The following HIF3A variants were observed in gnomAD, a reference collection of about 807,000 sequenced individuals.
HIF3A encodes the protein hypoxia-inducible factor 3-alpha.
A neutral mutation model predicts 67.2 loss-of-function variants in HIF3A; 41 were observed. That is an observed-to-expected ratio of 0.61 (90% CI 0.48 to 0.79). The LOEUF (loss-of-function observed/expected upper bound fraction) is 0.79, where lower values mean the gene tolerates loss of function less well. Among genes scored for constraint, HIF3A ranks in the 30% least tolerant of loss-of-function variants. The pLI, the probability that HIF3A is intolerant of heterozygous loss-of-function variation, is 0.00. For synonymous variants in HIF3A, 356 were observed against 374.8 expected (o/e 0.95, Z 0.58); for missense variants, 855 against 898.0 (o/e 0.95, Z 0.61).
chr19:46,308,588 C>G, intron 4 of HIF3A, 75 bp from the exon 5 acceptor site: 1 of 868,122 alleles, frequency 1.2e-6, no homozygotes, highest in South Asian at 1.7e-5. Flanking sequence ...GAGGCCTGAG[C>G]AGCCAGGGTG....
intron 8 of HIF3A, 115 bp downstream of exon 8, chr19:46,312,768 G>A: frequency 6.8e-7 from 1 of 1,464,330 alleles, no homozygotes; most frequent in Non-Finnish European, 9.0e-7. Context: ...TCATGCATAA[G>A]TGTATGTGAG....
rs1969529482 is a variant in HIF3A, at chr19:46,312,494, C to G, written c.878-12C>G. The G allele has an allele frequency of 1.2e-6, 2 of 1,613,644 alleles. No individual in the cohort carries two copies. The highest frequency in any genetic ancestry group is 8.5e-7 in the Non-Finnish European group (1 of 1,179,750). On this transcript the variant is annotated splice_polypyrimidine_tract_variant and intron_variant, in intron 7 of 14. Transcript: ENST00000377670. ...CTTGGTGGCCCTGATCCCTCCCGAT[C>G]CCCCTCCTCAGTGCTGAGCAAGGGC... is the stretch of plus-strand genomic sequence containing the variant.
intron 6 of HIF3A, 87 bp from the exon 7 acceptor site, chr19:46,312,074 C>A: frequency 1.1e-6 from 1 of 942,500 alleles, no homozygotes; most frequent in Non-Finnish European, 1.8e-6. Context: ...GGCTTTGTTC[C>A]TGTGTCCTCT....
At position 46,333,083 on chromosome 19, in the gene HIF3A, T is replaced by C. The variant is rs560604474; in HGVS notation, c.1830+1810T>C. ...ATACATATATAACAGCTTACACTTATTAAGTGCCTACCATGTGCCAGACAC... is the reference window on the plus strand; with the variant it reads ...ATACATATATAACAGCTTACACTTACTAAGTGCCTACCATGTGCCAGACAC... On this transcript the variant is annotated intron_variant, in intron 13 of 14. Coordinates refer to ENST00000377670, the MANE Select transcript of HIF3A (RefSeq NM_152795.4). Among the ~76,000 whole-genome samples the C allele has an allele frequency of 3.3e-5, 5 of 152,182 alleles. No individual in the cohort carries two copies. The South Asian group carries it at 6.2e-4, about 19-fold the overall frequency.
chr19:46,312,614 C>T lies in HIF3A; in HGVS notation c.986C>T (p.Pro329Leu), dbSNP rs541712463. 4.8e-5 allele frequency: 77 copies of T among 1,591,156 alleles called. 1 individual carries two copies. The South Asian group carries it at 7.8e-4, about 16-fold the overall frequency. ...QATVVSGGRGPQSESIVCVHF... is the reference protein window; with the variant it reads ...QATVVSGGRGLQSESIVCVHF... ...ACAGTGGTGTCAGGGGGACGGGGCCCCCAGTCGGAGAGTATCGTCTGTGTC... is the reference window on the plus strand; with the variant it reads ...ACAGTGGTGTCAGGGGGACGGGGCCTCCAGTCGGAGAGTATCGTCTGTGTC... Residue 329 changes from proline (P) to leucine (L), a missense_variant, in exon 8 of 15, where the codon CCC (proline) becomes CTC (leucine). By Grantham distance (98) the Pro-to-Leu change is moderately conservative (BLOSUM62 -3). Transcript: ENST00000377670.
chr19:46,308,125 C>A (rs2147147799), intron 3 of HIF3A, 96 bp from the exon 4 acceptor site: 1 of 829,990 alleles, frequency 1.2e-6, no homozygotes, highest in South Asian at 1.3e-5. Context: ...CTGGTGAAAT[C>A]ATCCAGGCTC....
intron 8 of HIF3A, among the ~76,000 whole-genome samples, chr19:46,316,449 G>T (rs1969922228): frequency 6.6e-6 from 1 of 152,008 alleles, no homozygotes; most frequent in African/African-American, 2.4e-5. Context: ...TGTCATAGAA[G>T]CTTTTCACCA....
rs964337903 is a variant in HIF3A at position 46,297,926 on chromosome 19, C to T, written c.26+824C>T. Among the ~76,000 whole-genome samples, 3 of 152,122 alleles carry T rather than the reference C, an allele frequency of 2.0e-5. No homozygotes were observed. Among genetic ancestry groups the T allele is most frequent in the Non-Finnish European group, 2.9e-5 (2 of 67,980 alleles). ...GTGAGCCTGCAGGCTGTGATGGGAA[C>T]GCCCCCTGCCGCAGTACTCAGATGG... On this transcript the variant is annotated intron_variant, in intron 1 of 14. Coordinates refer to ENST00000377670, the MANE Select transcript of HIF3A (RefSeq NM_152795.4). The surrounding 1 kb of genome is among the most constrained non-coding windows in gnomAD (Gnocchi z 4.5).
chr19:46,322,232 C>G (rs1372042536), intron 10 of HIF3A, among the ~76,000 whole-genome samples: 1 of 152,126 alleles, frequency 6.6e-6, no homozygotes, highest in Non-Finnish European at 1.5e-5. Flanking sequence ...CAACAATCGT[C>G]AACACAGAAG....
Position 46,324,965 on chromosome 19 carries a change from C to CATATATATATATATACACAT in HIF3A, c.1336-569_1336-568insTATATATATATATACACATA, listed in dbSNP as rs1568534267. 2.1e-3 allele frequency among the ~76,000 whole-genome samples: 222 copies of CATATATATATATATACACAT among 104,992 alleles called. 2 individuals are homozygous for CATATATATATATATACACAT. Among genetic ancestry groups the CATATATATATATATACACAT allele is most frequent in the African/African-American group, 8.6e-3 (196 of 22,740 alleles). The allele number at this position is 104,992 out of a possible 152,430, so 68.9% of individuals were successfully genotyped here. On this transcript the variant is annotated intron_variant, in intron 10 of 14. Coordinates refer to ENST00000377670, the MANE Select transcript of HIF3A (RefSeq NM_152795.4). Reference sequence around the variant, plus strand: ...ATACATATATATATATATACACATACACACACACACACACATATATTGTGT... The same window carrying CATATATATATATATACACAT: ...ATACATATATATATATATACACATACATATATATATATATACACATACACACACACACACATATATTGTGT...
chr19:46,298,305 C>T (rs982424541), intron 1 of HIF3A: 6 of 925,124 alleles, frequency 6.5e-6, no homozygotes, highest in Non-Finnish European at 8.9e-6. Flanking sequence ...GCTGTCGTTC[C>T]GCCCCTCTCA....
At position 46,297,221 on chromosome 19, in the gene HIF3A, G is replaced by A. The variant is rs913376031; in HGVS notation, c.26+119G>A. 8 of 598,956 alleles carry A rather than the reference G, an allele frequency of 1.3e-5. No homozygotes were observed. The highest frequency in any genetic ancestry group is 2.1e-5 in the Non-Finnish European group (8 of 390,132). 37.1% of individuals were successfully genotyped at this position (598,956 alleles called of 1,614,324 possible). A position where few individuals can be genotyped will look rare whatever the true frequency, so the allele number is the denominator to read the frequency against. ...GTGCGAGCCAAGAACGCCCCGGGGC[G>A]CGCAGTTGGAGGCACATCCCCACCG... is the stretch of plus-strand genomic sequence containing the variant. On this transcript the variant is annotated intron_variant, in intron 1 of 14. Coordinates refer to ENST00000377670, the MANE Select transcript of HIF3A (RefSeq NM_152795.4). The surrounding 1 kb of genome is among the most constrained non-coding windows in gnomAD (Gnocchi z 4.5).
intron 6 of HIF3A, among the ~76,000 whole-genome samples, chr19:46,311,587 G>A (rs1969426821): frequency 6.6e-6 from 1 of 152,104 alleles, no homozygotes; most frequent in Admixed American, 6.6e-5. Flanking sequence ...TAGGCAGGCC[G>A]GGCGAGGTGG....
chr19:46,338,812 G>A (rs1299225974), intron 14 of HIF3A, among the ~76,000 whole-genome samples: 1 of 152,088 alleles, frequency 6.6e-6, no homozygotes, highest in Non-Finnish European at 1.5e-5. Flanking sequence ...CTGGACTCGG[G>A]TTCTTCACCG....
intron 10 of HIF3A, among the ~76,000 whole-genome samples, chr19:46,322,508 C>A (rs894643523): frequency 2.6e-5 from 4 of 152,138 alleles, no homozygotes; most frequent in African/African-American, 9.7e-5. Context: ...GGCGCAATCT[C>A]GGCTCACTGC....
At chr19:46,335,744 AAG>A (rs1971562949) in intron 14 of HIF3A, among the ~76,000 whole-genome samples, 1 of 151,732 alleles carries the variant, frequency 6.6e-6, no homozygotes, top group African/African-American at 2.4e-5. Flanking sequence ...TCAAATAAAA[AAG>A]AGTGCAAGAG....
rs1430419868 is a variant in HIF3A at position 46,303,944 on chromosome 19, A to C, written c.73A>C (p.Ser25Arg). ...RKEKSRDAARSRRSQETEVLY... is the reference protein window; with the variant it reads ...RKEKSRDAARRRRSQETEVLY... Reference sequence around the variant, plus strand: ...GGAAAAGTCCCGGGATGCGGCCCGCAGCCGGCGCAGCCAGGAGACCGAGGT... The same window carrying C: ...GGAAAAGTCCCGGGATGCGGCCCGCCGCCGGCGCAGCCAGGAGACCGAGGT... Residue 25 changes from serine to arginine, a missense_variant, in exon 2 of 15, where the codon AGC becomes CGC. Around this residue, in one of 3 missense-constraint regions of HIF3A, gnomAD observed 638 missense variants for 660.5 expected, o/e 0.97. Coordinates refer to ENST00000377670, the MANE Select transcript of HIF3A (RefSeq NM_152795.4). 12 of 1,607,210 alleles carry C rather than the reference A, an allele frequency of 7.5e-6. No homozygotes were observed. Among genetic ancestry groups the C allele is most frequent in the Non-Finnish European group, 1.0e-5 (12 of 1,177,518 alleles).
intron 14 of HIF3A, among the ~76,000 whole-genome samples, chr19:46,336,344 G>A (rs1228838456): frequency 2.0e-5 from 3 of 151,000 alleles, no homozygotes; most frequent in African/African-American, 4.9e-5. Context: ...CGCCCACCTC[G>A]GCCTCCCAGA....
intron 8 of HIF3A, 83 bp downstream of exon 8, chr19:46,312,736 T>TGCGC (rs1555780977): frequency 7.3e-6 from 11 of 1,500,878 alleles, no homozygotes; most frequent in Admixed American, 2.3e-5. Context: ...TGTGTGTGTG[T>TGCGC]GCGTATGAGC....
Sources: allele counts gnomAD v4.1 joint callset (sites outside exome capture counted in the v4.1 genomes callset), GRCh38; gene constraint gnomAD v4.1.1; regional missense constraint gnomAD v4.1.1; non-coding constraint Gnocchi (gnomAD v3.1); transcripts MANE v1.5; gene names NCBI Gene and HGNC (gene_info 2026-07-23, HGNC 2026-07-21).